The following HNRNPK variants were observed in gnomAD, a reference collection of about 807,000 sequenced individuals.
HNRNPK encodes heterogeneous nuclear ribonucleoprotein K.
In HNRNPK, 7 loss-of-function variants were observed where a neutral mutation model predicts 67.0. The observed-to-expected ratio is 0.10, with a 90% CI of 0.06 to 0.20. The LOEUF (loss-of-function observed/expected upper bound fraction) is 0.20. Ranked by LOEUF, HNRNPK falls within the 10% of genes least tolerant of loss-of-function variation. The pLI, the probability that HNRNPK is intolerant of heterozygous loss-of-function variation, is 1.00. For synonymous variants in HNRNPK, 213 were observed against 193.7 expected (o/e 1.10, Z -0.83); for missense variants, 264 against 606.5 (o/e 0.44, Z 5.93).
At chr9:83,975,278 GT>G (rs1472218562) in intron 6 of HNRNPK, among the ~76,000 whole-genome samples, 183 bp downstream of exon 6, 5 of 152,276 alleles carry the variant, frequency 3.3e-5, no homozygotes, top group African/African-American at 1.2e-4. Flanking sequence ...TTAGTGGATC[GT>G]TTGGGTGGGC....
rs1395903702 is a variant in HNRNPK, at chr9:83,968,573, T to A, written c.*834A>T. On this transcript the variant is annotated 3_prime_UTR_variant, in exon 17 of 17. Transcript: ENST00000376263. ...GTATATACTCATACCATTACTCAAC[T>A]TGTAGTACTGCTCCCCACCTTAGTT... 1 of 152,600 alleles carries A rather than the reference T, an allele frequency of 6.6e-6. No individual in the cohort carries two copies. Among genetic ancestry groups the A allele is most frequent in the East Asian group, 1.9e-4 (1 of 5,202 alleles). 9.5% of individuals were successfully genotyped at this position (152,600 alleles called of 1,614,324 possible).
At chr9:83,979,986 A>C (rs570125101) in intron 1 of HNRNPK, among the ~76,000 whole-genome samples, 167 bp downstream of exon 1, 3 of 152,276 alleles carry the variant, frequency 2.0e-5, no homozygotes, top group South Asian at 2.1e-4. Flanking sequence ...CGGACTGCGG[A>C]TACACGCTCA....
rs1956814753 is a variant in HNRNPK at position 83,971,091 on chromosome 9, A to C, written c.1093-179T>G. Reference sequence around the variant, plus strand: ...TTTGTAGTTGGGATTATGAGTGAGCACCACTGCACCCAGCTTCACTATTCA... The same window carrying C: ...TTTGTAGTTGGGATTATGAGTGAGCCCCACTGCACCCAGCTTCACTATTCA... On this transcript the variant is annotated intron_variant, in intron 13 of 16. Coordinates refer to ENST00000376263, the MANE Select transcript of HNRNPK (RefSeq NM_031263.4). 21 of 725,336 alleles carry C rather than the reference A, an allele frequency of 2.9e-5. No individual in the cohort carries two copies. In the South Asian group the frequency reaches 3.3e-4, roughly 11 times the overall value. 44.9% of individuals were successfully genotyped at this position (725,336 alleles called of 1,614,324 possible). A position where few individuals can be genotyped will look rare whatever the true frequency, so the allele number is the denominator to read the frequency against.
rs766276220 is a variant in HNRNPK at position 83,972,856 on chromosome 9, A to T, written c.633T>A (p.Asp211Glu). The T allele has an allele frequency of 6.2e-7, 1 of 1,600,966 alleles. No homozygotes were observed. The highest frequency in any genetic ancestry group is 8.5e-7 in the Non-Finnish European group (1 of 1,175,744). ...RVVECIKIIL[D>E]LISESPIKGR... is the part of the protein sequence containing the mutation. ...TGTTCTGAAGTACCTCAGATATAAG[A>T]TCAAGGATGATCTTTATGCACTCTA... is the stretch of plus-strand genomic sequence containing the variant. Residue 211 changes from aspartate to glutamate, a missense_variant, in exon 10 of 17, where the codon GAT (aspartate) becomes GAA (glutamate). By Grantham distance (45) the Asp-to-Glu change is conservative. Transcript: ENST00000376263.
chr9:83,977,118 T>C, intron 4 of HNRNPK, 67 bp from the exon 5 acceptor site: 2 of 1,116,360 alleles, frequency 1.8e-6, no homozygotes, highest in South Asian at 1.3e-5. Flanking sequence ...CCTACGCTCT[T>C]AGATTTTGCT....
chr9:83,974,863 T>C (rs1423533969), intron 6 of HNRNPK, among the ~76,000 whole-genome samples: 2 of 152,218 alleles, frequency 1.3e-5, no homozygotes, highest in African/African-American at 4.8e-5. Flanking sequence ...TGACCAGAAC[T>C]GAAGCAGAGT....
chr9:83,973,071 AC>A (rs772129876), intron 9 of HNRNPK, 99 bp from the exon 10 acceptor site: 63 of 884,856 alleles, frequency 7.1e-5, no homozygotes, highest in Non-Finnish European at 1.0e-4. Flanking sequence ...TTAACCCCCC[AC>A]AATATAAAAA....
chr9:83,969,528 A>G (rs1956725950), intron 16 of HNRNPK, 88 bp from the exon 17 acceptor site: 1 of 833,808 alleles, frequency 1.2e-6, no homozygotes, highest in Admixed American at 2.2e-5. Context: ...TGCTAAATTA[A>G]AATGATAAAC....
chr9:83,975,181 G>C (rs899878579), intron 6 of HNRNPK, among the ~76,000 whole-genome samples: 19 of 152,212 alleles, frequency 1.2e-4, no homozygotes, highest in African/African-American at 4.1e-4. Flanking sequence ...CACAAAGACA[G>C]AGCGAGAGAC....
rs1956674294 is a variant in HNRNPK, at chr9:83,968,399, T to C, written c.*1008A>G. ...ACAAGTATATATATATTTTACAAAG[T>C]TTAACTAATAAGACACTAGAGCAAA... On this transcript the variant is annotated 3_prime_UTR_variant, in exon 17 of 17. Coordinates refer to ENST00000376263, the MANE Select transcript of HNRNPK (RefSeq NM_031263.4). The C allele has an allele frequency of 2.0e-5, 3 of 152,530 alleles. No individual in the cohort carries two copies. Among genetic ancestry groups the C allele is most frequent in the Admixed American group, 2.0e-4 (3 of 15,268 alleles). The allele number at this position is 152,530 out of a possible 1,614,324, so 9.4% of individuals were successfully genotyped here.
chr9:83,970,538 T>C, intron 15 of HNRNPK, 199 bp downstream of exon 15: 1 of 639,820 alleles, frequency 1.6e-6, no homozygotes, highest in African/African-American at 1.8e-5. Flanking sequence ...GCTCAAAACC[T>C]ACTTAACTAC....
intron 3 of HNRNPK, 116 bp from the exon 4 acceptor site, chr9:83,977,902 T>C: frequency 1.5e-6 from 1 of 663,010 alleles, no homozygotes; most frequent in South Asian, 1.9e-5. Flanking sequence ...CCAAAGGCAT[T>C]GCTACAGACT....
intron 5 of HNRNPK, 92 bp from the exon 6 acceptor site, chr9:83,975,597 A>G: frequency 8.8e-7 from 1 of 1,138,992 alleles, no homozygotes; most frequent in Non-Finnish European, 1.3e-6. Context: ...GGCAACGAGC[A>G]CATTTTTGGG....
chr9:83,979,110 C>G (rs1275451180), intron 1 of HNRNPK, among the ~76,000 whole-genome samples: 1 of 152,186 alleles, frequency 6.6e-6, no homozygotes, highest in African/African-American at 2.4e-5. Flanking sequence ...AACACGAAAA[C>G]TAAAGTGTCT....
chr9:83,980,498 A>G (rs1158924471), upstream of HNRNPK: 2 of 152,822 alleles, frequency 1.3e-5, no homozygotes, highest in African/African-American at 2.4e-5. Flanking sequence ...AATAACTCCA[A>G]TTACCTATAG....
chr9:83,972,338 A>G (rs1202856026), intron 10 of HNRNPK, 149 bp from the exon 11 acceptor site: 1 of 613,292 alleles, frequency 1.6e-6, no homozygotes, highest in Non-Finnish European at 2.8e-6. Flanking sequence ...TCAACGCTAA[A>G]AGTAGCAAAG....
chr9:83,975,583 G>A (rs1564066905), intron 5 of HNRNPK, 78 bp from the exon 6 acceptor site: 4 of 1,242,352 alleles, frequency 3.2e-6, no homozygotes, highest in South Asian at 1.2e-5. Flanking sequence ...TATGGTACCC[G>A]TTTGGCAACG....
At chr9:83,977,285 A>G (rs1957112812) in intron 4 of HNRNPK, among the ~76,000 whole-genome samples, 1 of 152,246 alleles carries the variant, frequency 6.6e-6, no homozygotes, top group Admixed American at 6.5e-5. Context: ...CACCAAGTAT[A>G]AAATAAAACT....
chr9:83,975,545 C>A (rs1281914620), intron 5 of HNRNPK, 40 bp from the exon 6 acceptor site: 1 of 1,492,608 alleles, frequency 6.7e-7, no homozygotes. Flanking sequence ...TGGCATTGGG[C>A]ATGGGCATTC....
Sources: allele counts gnomAD v4.1 joint callset (sites outside exome capture counted in the v4.1 genomes callset), GRCh38; gene constraint gnomAD v4.1.1; transcripts MANE v1.5; gene names NCBI Gene and HGNC (gene_info 2026-07-23, HGNC 2026-07-21).